Variants in PTPRD observed in about 807,000 individuals in gnomAD.
PTPRD encodes receptor-type tyrosine-protein phosphatase delta.
In PTPRD, 34 loss-of-function variants were observed where a neutral mutation model predicts 214.5. The observed-to-expected ratio is 0.16, with a 90% CI of 0.12 to 0.21. The LOEUF is 0.21. Ranked by LOEUF, PTPRD falls within the 10% of genes least tolerant of loss-of-function variation. PTPRD has a pLI of 1.00. For synonymous variants in PTPRD, 1,128 were observed against 845.7 expected (o/e 1.33, Z -5.79); for missense variants, 2,545 against 2,398.7 (o/e 1.06, Z -1.27).
intron 14 of PTPRD, among the ~76,000 whole-genome samples, chr9:8,583,366 C>CAGCATGTT (rs1214790198): frequency 1.3e-5 from 2 of 152,138 alleles, no homozygotes; most frequent in African/African-American, 4.8e-5. Context: ...TTTTTAGAGA[C>CAGCATGTT]AGCATGTTAG....
intron 3 of PTPRD, among the ~76,000 whole-genome samples, chr9:10,256,164 C>T (rs2093256449): frequency 6.6e-6 from 1 of 152,154 alleles, no homozygotes; most frequent in Non-Finnish European, 1.5e-5. Context: ...TCTCCCATTG[C>T]CCTCAGTTTG....
chr9:8,637,846 C>T (rs2096480154), intron 12 of PTPRD, among the ~76,000 whole-genome samples: 1 of 151,982 alleles, frequency 6.6e-6, no homozygotes, highest in South Asian at 2.1e-4. Flanking sequence ...CTGTATCATA[C>T]CACATGAGAA....
intron 11 of PTPRD, among the ~76,000 whole-genome samples, chr9:8,767,554 T>C (rs1285997231): frequency 6.6e-6 from 1 of 152,192 alleles, no homozygotes; most frequent in Non-Finnish European, 1.5e-5. Flanking sequence ...TGAGTGACTA[T>C]CAGTGAGGGT....
At chr9:9,915,009 A>T (rs749122625) in intron 5 of PTPRD, among the ~76,000 whole-genome samples, 12 of 152,196 alleles carry the variant, frequency 7.9e-5, no homozygotes, top group African/African-American at 2.9e-4. Flanking sequence ...GTGTGCACAC[A>T]TATGCCCCTG....
At chr9:9,981,088 G>C (rs2095528322) in intron 4 of PTPRD, among the ~76,000 whole-genome samples, 1 of 151,980 alleles carries the variant, frequency 6.6e-6, no homozygotes. Context: ...CCTCCACAAA[G>C]TCTACATCAC....
chr9:9,371,822 T>A (rs2139813598), intron 9 of PTPRD, among the ~76,000 whole-genome samples: 1 of 152,294 alleles, frequency 6.6e-6, no homozygotes, highest in South Asian at 2.1e-4. Flanking sequence ...GTCTTTGTTC[T>A]CGTTTGTTTC....
intron 8 of PTPRD, among the ~76,000 whole-genome samples, chr9:9,539,155 G>C (rs78370935): frequency 6.6e-6 from 1 of 151,828 alleles, no homozygotes; most frequent in Non-Finnish European, 1.5e-5. Context: ...ACTTAAAACA[G>C]GGTGCTCACT....
intron 10 of PTPRD, chr9:9,090,827 T>C (rs2099774446): frequency 1.3e-6 from 1 of 744,014 alleles, no homozygotes; most frequent in Admixed American, 1.9e-5. Flanking sequence ...CTCAATGATA[T>C]CTTATTCCAT....
chr9:8,791,787 G>C (rs190980000), intron 11 of PTPRD, among the ~76,000 whole-genome samples: 11 of 152,112 alleles, frequency 7.2e-5, no homozygotes, highest in African/African-American at 2.7e-4. Context: ...ATTTTTAATG[G>C]ACGGATACTA....
chr9:9,896,011 C>A (rs910493961), intron 5 of PTPRD, among the ~76,000 whole-genome samples: 1 of 151,962 alleles, frequency 6.6e-6, no homozygotes, highest in Admixed American at 6.6e-5. Flanking sequence ...TGTCACAGTT[C>A]GTCTACTGCA....
chr9:8,431,172 C>T (rs2095026673), intron 35 of PTPRD, among the ~76,000 whole-genome samples: 1 of 152,128 alleles, frequency 6.6e-6, no homozygotes, highest in Admixed American at 6.6e-5. Context: ...AGATAGAGTT[C>T]AGAGTTTGCT....
At chr9:10,392,015 T>C (rs2098078020) in intron 2 of PTPRD, among the ~76,000 whole-genome samples, 1 of 151,792 alleles carries the variant, frequency 6.6e-6, no homozygotes. Context: ...TTATGCCTCT[T>C]CCCTTCCCTA....
chr9:10,530,899 T>A (rs187716876), intron 2 of PTPRD, among the ~76,000 whole-genome samples: 1 of 151,954 alleles, frequency 6.6e-6, no homozygotes, highest in African/African-American at 2.4e-5. Context: ...CCCTATTAAA[T>A]CCACCATAGT....
Position 8,317,736 on chromosome 9 carries a change from G to C in PTPRD, c.*138C>G. 1 of 631,798 alleles carries C rather than the reference G, an allele frequency of 1.6e-6. No individual in the cohort carries two copies. Among genetic ancestry groups the C allele is most frequent in the Non-Finnish European group, 2.8e-6 (1 of 357,576 alleles). 39.1% of individuals were successfully genotyped at this position (631,798 alleles called of 1,614,324 possible). A position where few individuals can be genotyped will look rare whatever the true frequency, so the allele number is the denominator to read the frequency against. On this transcript the variant is annotated 3_prime_UTR_variant, in exon 46 of 46. Coordinates refer to ENST00000381196, the MANE Select transcript of PTPRD (RefSeq NM_002839.4). Reference sequence around the variant, plus strand: ...ACCTGGAATAATTTGTTTTTAATTTGTTTTGTGTGTAATAGTCCCACTAAG... The same window carrying C: ...ACCTGGAATAATTTGTTTTTAATTTCTTTTGTGTGTAATAGTCCCACTAAG...
At chr9:8,738,090 T>A (rs981820497) in intron 11 of PTPRD, among the ~76,000 whole-genome samples, 1 of 152,218 alleles carries the variant, frequency 6.6e-6, no homozygotes, top group African/African-American at 2.4e-5. Context: ...TTTTGCTGAA[T>A]TCCAATTAAC....
At chr9:8,847,335 A>C (rs2097718331) in intron 11 of PTPRD, among the ~76,000 whole-genome samples, 1 of 152,124 alleles carries the variant, frequency 6.6e-6, no homozygotes, top group East Asian at 1.9e-4. Flanking sequence ...ATTATTTTAA[A>C]ATGTGTATTG....
At chr9:10,609,797 G>T (rs2080470809) in intron 2 of PTPRD, among the ~76,000 whole-genome samples, 1 of 152,076 alleles carries the variant, frequency 6.6e-6, no homozygotes, top group Non-Finnish European at 1.5e-5. Flanking sequence ...CATGCCTTGA[G>T]TTCCATAAAA....
At chr9:8,817,123 C>T (rs915236441) in intron 11 of PTPRD, among the ~76,000 whole-genome samples, 1 of 152,158 alleles carries the variant, frequency 6.6e-6, no homozygotes, top group African/African-American at 2.4e-5. Context: ...ATTTGAAGGC[C>T]ATTTTATGTT....
intron 9 of PTPRD, among the ~76,000 whole-genome samples, chr9:9,394,878 C>G (rs563947963): frequency 6.6e-6 from 1 of 152,018 alleles, no homozygotes; most frequent in Non-Finnish European, 1.5e-5. Context: ...TCCTTCCATG[C>G]TCTATATTTG....
Sources: allele counts gnomAD v4.1 joint callset (sites outside exome capture counted in the v4.1 genomes callset), GRCh38; gene constraint gnomAD v4.1.1; transcripts MANE v1.5; gene names NCBI Gene and HGNC (gene_info 2026-07-23, HGNC 2026-07-21).